Variants in SCEL observed in about 807,000 individuals in gnomAD.
The protein encoded by SCEL is sciellin.
SCEL carries 113 observed loss-of-function variants against 117.6 expected under a neutral mutation model. That is an observed-to-expected ratio of 0.96 (90% confidence interval 0.83 to 1.12). SCEL has a LOEUF of 1.12. SCEL is among the 50% of genes most tolerant of loss of function. The pLI is 0.00. For synonymous variants in SCEL, 270 were observed against 256.2 expected (o/e 1.05, Z -0.51); for missense variants, 785 against 810.8 (o/e 0.97, Z 0.39).
chr13:77,640,075 A>G (rs1005679187), intron 30 of SCEL, among the ~76,000 whole-genome samples: 15 of 152,064 alleles, frequency 9.9e-5, no homozygotes, highest in Non-Finnish European at 1.5e-5. Context: ...TGGTGGGGTT[A>G]TGTCTTGCTG....
chr13:77,612,927 T>A lies in SCEL; in HGVS notation c.1374T>A (p.Pro458=). The change falls in exon 23 of 33, where the codon CCT becomes CCA. Residue 458 remains proline (P), a synonymous_variant. Coordinates refer to ENST00000349847, the MANE Select transcript of SCEL (RefSeq NM_144777.3). ...QDLENLIKVI[P]SANKSSEQGL... is the part of the protein sequence containing the mutation. ...TGGAAAATCTTATCAAAGTGATCCC[T>A]TCAGCAAACAAAAGGTAAACTTATT... The A allele has an allele frequency of 6.4e-7, 1 of 1,564,494 alleles. No homozygotes were observed. The highest frequency in any genetic ancestry group is 8.6e-7 in the Non-Finnish European group (1 of 1,156,672).
chr13:77,593,297 T>TGTGTGTGTGTG (rs776632183), intron 11 of SCEL, among the ~76,000 whole-genome samples: 6 of 117,102 alleles, frequency 5.1e-5, no homozygotes, highest in African/African-American at 6.2e-5. Flanking sequence ...TGTGTGTGTG[T>TGTGTGTGTGTG]CTGTGTGTGT....
intron 9 of SCEL, among the ~76,000 whole-genome samples, chr13:77,578,721 A>G (rs1358701451): frequency 6.6e-6 from 1 of 152,208 alleles, no homozygotes; most frequent in African/African-American, 2.4e-5. Flanking sequence ...GGGAAGAAAT[A>G]GGAGCAGAAT....
intron 1 of SCEL, among the ~76,000 whole-genome samples, chr13:77,545,163 A>G (rs888576532): frequency 1.3e-5 from 2 of 152,246 alleles, no homozygotes; most frequent in Admixed American, 1.3e-4. Flanking sequence ...ATCAGTAGGC[A>G]TATGTACTGG....
At chr13:77,597,467 G>A in intron 12 of SCEL, 78 bp from the exon 13 acceptor site, 1 of 775,900 alleles carries the variant, frequency 1.3e-6, no homozygotes, top group Non-Finnish European at 2.1e-6. Context: ...TCAGAGAACT[G>A]TCATTTTAAG....
intron 29 of SCEL, among the ~76,000 whole-genome samples, chr13:77,636,767 G>A (rs186093368): frequency 1.3e-5 from 2 of 152,238 alleles, no homozygotes; most frequent in Admixed American, 1.3e-4. Flanking sequence ...TGCTTGCCCT[G>A]TTTGTGCTTT....
chr13:77,539,632 G>A (rs2083591761), intron 1 of SCEL, among the ~76,000 whole-genome samples: 1 of 151,902 alleles, frequency 6.6e-6, no homozygotes, highest in East Asian at 1.9e-4. Flanking sequence ...CCGCCTCCCG[G>A]GTTCACATCA....
intron 1 of SCEL, among the ~76,000 whole-genome samples, chr13:77,551,672 G>T (rs986354372): frequency 6.6e-6 from 1 of 151,832 alleles, no homozygotes; most frequent in Non-Finnish European, 1.5e-5. Flanking sequence ...TAAGGGCCTC[G>T]TTTTTTTGTT....
intron 21 of SCEL, among the ~76,000 whole-genome samples, chr13:77,609,685 A>T (rs2088494625): frequency 6.6e-6 from 1 of 152,240 alleles, no homozygotes; most frequent in Non-Finnish European, 1.5e-5. Context: ...CATGTGGGAA[A>T]ATTACTTAAG....
At chr13:77,599,548 C>T in intron 14 of SCEL, 141 bp from the exon 15 acceptor site, 1 of 871,218 alleles carries the variant, frequency 1.1e-6, no homozygotes, top group Middle Eastern at 2.2e-4. Context: ...GACATAATTA[C>T]CCAGAAGGAT....
intron 27 of SCEL, among the ~76,000 whole-genome samples, chr13:77,625,384 T>C (rs1387227993): frequency 6.6e-6 from 1 of 152,206 alleles, no homozygotes; most frequent in Admixed American, 6.5e-5. Flanking sequence ...CTAGTCACTA[T>C]TTCTAAATTT....
At chr13:77,545,428 A>G (rs1004573018) in intron 1 of SCEL, among the ~76,000 whole-genome samples, 2 of 152,232 alleles carry the variant, frequency 1.3e-5, no homozygotes, top group Non-Finnish European at 2.9e-5. Context: ...TACCAGTTTG[A>G]GAGACTAGTA....
chr13:77,546,523 A>C (rs576844149), intron 1 of SCEL, among the ~76,000 whole-genome samples: 1 of 152,266 alleles, frequency 6.6e-6, no homozygotes, highest in South Asian at 2.1e-4. Context: ...GGGGCTTAAC[A>C]AGTGATCCTT....
chr13:77,625,078 T>C (rs1411857539), intron 27 of SCEL, among the ~76,000 whole-genome samples: 1 of 152,172 alleles, frequency 6.6e-6, no homozygotes, highest in African/African-American at 2.4e-5. Flanking sequence ...GGGGAATCAC[T>C]TTGAGAAACA....
chr13:77,554,864 T>C (rs1375622612), intron 1 of SCEL, among the ~76,000 whole-genome samples: 1 of 152,048 alleles, frequency 6.6e-6, no homozygotes, highest in East Asian at 1.9e-4. Flanking sequence ...AAGGACATAA[T>C]ACCCCACCTA....
At chr13:77,591,896 C>T (rs1233439537) in intron 11 of SCEL, among the ~76,000 whole-genome samples, 3 of 151,916 alleles carry the variant, frequency 2.0e-5, no homozygotes, top group East Asian at 1.9e-4. Flanking sequence ...CAAATGTCGT[C>T]GGGGGGGAGG....
chr13:77,556,126 A>C (rs1379196063), intron 2 of SCEL, among the ~76,000 whole-genome samples: 1 of 152,250 alleles, frequency 6.6e-6, no homozygotes, highest in Non-Finnish European at 1.5e-5. Context: ...ATTAATAAAA[A>C]TATCTTTTTA....
rs1053074939 is a variant in SCEL, at chr13:77,644,413, A to G, written c.*139A>G. On this transcript the variant is annotated 3_prime_UTR_variant, in exon 33 of 33. Transcript: ENST00000349847. Reference sequence around the variant, plus strand: ...ACAAAATTAACAATTCTGTTATTGCATAAGTAATCTAATTGTCTTCAATAA... The same window carrying G: ...ACAAAATTAACAATTCTGTTATTGCGTAAGTAATCTAATTGTCTTCAATAA... The G allele has an allele frequency of 7.4e-6, 6 of 806,702 alleles. No individual in the cohort carries two copies. Among genetic ancestry groups the G allele is most frequent in the African/African-American group, 1.7e-5 (1 of 57,316 alleles). 50.0% of individuals were successfully genotyped at this position (806,702 alleles called of 1,614,324 possible). A position where few individuals can be genotyped will look rare whatever the true frequency, so the allele number is the denominator to read the frequency against.
At chr13:77,546,683 C>CA (rs555752724) in intron 1 of SCEL, among the ~76,000 whole-genome samples, 353 of 124,932 alleles carry the variant, frequency 2.8e-3, no homozygotes, top group Admixed American at 4.6e-3. Flanking sequence ...ACAACAACAA[C>CA]AAAAAAAAAA....
Sources: allele counts gnomAD v4.1 joint callset (sites outside exome capture counted in the v4.1 genomes callset), GRCh38; gene constraint gnomAD v4.1.1; transcripts MANE v1.5; gene names NCBI Gene and HGNC (gene_info 2026-07-23, HGNC 2026-07-21).